KCNJ6: variants seen among roughly 807,000 people sequenced by gnomAD.
KCNJ6 encodes G protein-activated inward rectifier potassium channel 2.
Under a neutral mutation model 34.2 loss-of-function variants are expected in KCNJ6, and 9 were observed. That is an observed-to-expected ratio of 0.26 (90% CI 0.16 to 0.46). The LOEUF (loss-of-function observed/expected upper bound fraction) is 0.46. Ranked by LOEUF, KCNJ6 falls within the 20% of genes least tolerant of loss-of-function variation. The pLI, the probability that KCNJ6 is intolerant of heterozygous loss-of-function variation, is 1.00. For missense variants in KCNJ6, 236 were observed against 531.3 expected, an observed-to-expected ratio of 0.44 and a Z score of 5.46; for synonymous variants, 196 against 207.1, an observed-to-expected ratio of 0.95 and a Z score of 0.46.
intron 2 of KCNJ6, among the ~76,000 whole-genome samples, chr21:37,806,903 A>G (rs981296357): frequency 6.6e-6 from 1 of 152,212 alleles, no homozygotes; most frequent in Non-Finnish European, 1.5e-5. Flanking sequence ...TGACTGATAA[A>G]CCTTCTGTAA....
intron 3 of KCNJ6, among the ~76,000 whole-genome samples, chr21:37,662,641 G>T (rs900907998): frequency 2.6e-5 from 4 of 152,098 alleles, no homozygotes; most frequent in African/African-American, 7.2e-5. Flanking sequence ...GCGATTGCTG[G>T]GTCATATGAT....
intron 1 of KCNJ6, among the ~76,000 whole-genome samples, chr21:37,905,231 T>C (rs895194089): frequency 6.6e-6 from 1 of 152,240 alleles, no homozygotes; most frequent in Non-Finnish European, 1.5e-5. Flanking sequence ...TCTTGCCTTC[T>C]GATCAGTGTC....
At chr21:37,786,752 T>C (rs2055194538) in intron 2 of KCNJ6, among the ~76,000 whole-genome samples, 1 of 152,230 alleles carries the variant, frequency 6.6e-6, no homozygotes, top group South Asian at 2.1e-4. Context: ...CTAGACATCT[T>C]ATCTAATTTC....
At chr21:37,769,041 A>G (rs1249370585) in intron 2 of KCNJ6, among the ~76,000 whole-genome samples, 1 of 152,210 alleles carries the variant, frequency 6.6e-6, no homozygotes, top group Non-Finnish European at 1.5e-5. Context: ...CATTGCACGC[A>G]TGGTAACTGA....
intron 2 of KCNJ6, among the ~76,000 whole-genome samples, chr21:37,761,484 CGTGT>C (rs913492207): frequency 8.2e-6 from 1 of 121,540 alleles, no homozygotes; most frequent in African/African-American, 3.3e-5. Context: ...TGTATATTTG[CGTGT>C]GTGTTGTGTG....
At chr21:37,872,412 T>G (rs1029085953) in intron 1 of KCNJ6, among the ~76,000 whole-genome samples, 3 of 152,194 alleles carry the variant, frequency 2.0e-5, no homozygotes, top group Non-Finnish European at 4.4e-5. Context: ...TTCCTCTGTG[T>G]CACCGGCATT....
chr21:37,764,934 C>T (rs2055083735), intron 2 of KCNJ6, among the ~76,000 whole-genome samples: 1 of 152,214 alleles, frequency 6.6e-6, no homozygotes, highest in African/African-American at 2.4e-5. Flanking sequence ...CCAAGCCAAA[C>T]CTTCCTTCTC....
Position 37,735,589 on chromosome 21 carries a change from C to A in KCNJ6, c.26-20458G>T, listed in dbSNP as rs570111608. ...GGGCCAGTGTAGTATCCACATTGGG[C>A]TCCACCCCATAGACTCCATGCAAGC... On this transcript the variant is annotated intron_variant, in intron 2 of 3. Coordinates refer to ENST00000609713, the MANE Select transcript of KCNJ6 (RefSeq NM_002240.5). 2.0e-5 allele frequency among the ~76,000 whole-genome samples: 3 copies of A among 152,320 alleles called. No individual in the cohort carries two copies. The South Asian group carries it at 6.2e-4, about 32-fold the overall frequency.
intron 1 of KCNJ6, among the ~76,000 whole-genome samples, chr21:37,862,339 T>C (rs936686396): frequency 3.3e-5 from 5 of 152,232 alleles, no homozygotes; most frequent in African/African-American, 1.2e-4. Context: ...CAGAGAAGTC[T>C]TCTATTTTAA....
At chr21:37,874,168 T>A (rs1360916986) in intron 1 of KCNJ6, among the ~76,000 whole-genome samples, 4 of 152,162 alleles carry the variant, frequency 2.6e-5, no homozygotes, top group African/African-American at 9.7e-5. Flanking sequence ...CCCAGCCCAA[T>A]GGATGTCATC....
intron 2 of KCNJ6, among the ~76,000 whole-genome samples, chr21:37,796,573 C>T (rs1214278603): frequency 6.6e-6 from 1 of 152,098 alleles, no homozygotes; most frequent in East Asian, 1.9e-4. Context: ...TCTGAGGTCC[C>T]TCCTGGTTCT....
intron 3 of KCNJ6, among the ~76,000 whole-genome samples, chr21:37,627,708 T>C (rs150900251): frequency 1.5e-3 from 222 of 152,282 alleles, no homozygotes; most frequent in African/African-American, 5.0e-3. Flanking sequence ...ACCACATGCA[T>C]GTGTAAGGCT....
intron 1 of KCNJ6, among the ~76,000 whole-genome samples, chr21:37,889,137 G>A (rs1451252681): frequency 1.3e-5 from 2 of 152,218 alleles, no homozygotes; most frequent in East Asian, 1.9e-4. Flanking sequence ...TGAACCACAC[G>A]TGACTGAGGG....
chr21:37,769,039 G>A (rs1021998032), intron 2 of KCNJ6, among the ~76,000 whole-genome samples: 5 of 152,158 alleles, frequency 3.3e-5, no homozygotes, highest in Non-Finnish European at 7.3e-5. Flanking sequence ...AACATTGCAC[G>A]CATGGTAACT....
intron 2 of KCNJ6, among the ~76,000 whole-genome samples, chr21:37,773,340 C>T (rs2055126621): frequency 1.3e-5 from 2 of 152,278 alleles, no homozygotes; most frequent in African/African-American, 2.4e-5. Context: ...CACTCCACTT[C>T]CTTGTCTTCA....
chr21:37,847,126 A>C (rs547188384), intron 1 of KCNJ6, among the ~76,000 whole-genome samples: 22 of 152,370 alleles, frequency 1.4e-4, no homozygotes, highest in South Asian at 6.2e-4. Flanking sequence ...GGTTTGGGGC[A>C]ATATAAATAT....
chr21:37,887,901 A>G (rs1260898768), intron 1 of KCNJ6, among the ~76,000 whole-genome samples: 1 of 152,224 alleles, frequency 6.6e-6, no homozygotes, highest in Non-Finnish European at 1.5e-5. Flanking sequence ...AAAGGAAGAC[A>G]AGATCAGAGG....
intron 2 of KCNJ6, among the ~76,000 whole-genome samples, chr21:37,805,214 AC>A (rs1316195725): frequency 6.6e-6 from 1 of 152,076 alleles, no homozygotes; most frequent in East Asian, 1.9e-4. Context: ...TTGTGAAGAC[AC>A]CAAAACACAC....
In KCNJ6 at chr21:37,913,365, C is replaced by A. The variant is rs117775245; in HGVS notation, c.-28+2519G>T. 5.8e-3 allele frequency among the ~76,000 whole-genome samples: 889 copies of A among 152,340 alleles called. 7 individuals carry two copies. The highest frequency in any genetic ancestry group is 8.6e-3 in the Non-Finnish European group (584 of 68,030). ...GACTGCAACCTAGGAAATGTAGCCA[C>A]CTTGCTCACACGCAGGCTTGAAGAT... On this transcript the variant is annotated intron_variant, in intron 1 of 3. Coordinates refer to ENST00000609713, the MANE Select transcript of KCNJ6 (RefSeq NM_002240.5).
Sources: gnomAD v4.1 joint callset for allele counts (sites outside exome capture counted in the v4.1 genomes callset) on GRCh38, gnomAD v4.1.1 for gene constraint, MANE v1.5 for transcripts, NCBI Gene and HGNC (gene_info 2026-07-23, HGNC 2026-07-21) for gene names.